Variants in ATF7IP observed in about 807,000 individuals in gnomAD.
ATF7IP encodes the protein activating transcription factor 7 interacting protein.
In ATF7IP, 23 loss-of-function variants were observed where a neutral mutation model predicts 106.4. The ratio of observed to expected loss-of-function variants is 0.22; its 90% CI spans 0.16 to 0.31. The LOEUF is 0.31. Ranked by LOEUF, ATF7IP falls within the 10% of genes least tolerant of loss-of-function variation. The pLI, the probability that ATF7IP is intolerant of heterozygous loss-of-function variation, is 1.00. For synonymous variants in ATF7IP, 542 were observed against 539.0 expected (o/e 1.01, Z -0.08); for missense variants, 1,334 against 1,524.3 (o/e 0.88, Z 2.08).
At chr12:14,458,519 C>T (rs955511220) in intron 8 of ATF7IP, among the ~76,000 whole-genome samples, 1 of 152,152 alleles carries the variant, frequency 6.6e-6, no homozygotes, top group African/African-American at 2.4e-5. Flanking sequence ...TTTCTAACTC[C>T]TCCATTAAAA....
chr12:14,398,623 C>T (rs980851861), intron 1 of ATF7IP, among the ~76,000 whole-genome samples: 1 of 151,826 alleles, frequency 6.6e-6, no homozygotes, highest in African/African-American at 2.4e-5. Context: ...TTCTGACATG[C>T]TAATGGGTTG....
intron 1 of ATF7IP, among the ~76,000 whole-genome samples, chr12:14,409,778 C>T (rs998809272): frequency 3.3e-5 from 5 of 152,146 alleles, no homozygotes; most frequent in Admixed American, 2.0e-4. Context: ...AATGTGAACG[C>T]TCTAAAGTAT....
intron 1 of ATF7IP, among the ~76,000 whole-genome samples, chr12:14,372,165 C>T (rs550074854): frequency 6.6e-6 from 1 of 152,110 alleles, no homozygotes; most frequent in African/African-American, 2.4e-5. Context: ...ATTACTTTGC[C>T]ATGTTCTTTC....
At chr12:14,444,120 T>C (rs1942842780) in intron 5 of ATF7IP, among the ~76,000 whole-genome samples, 1 of 152,158 alleles carries the variant, frequency 6.6e-6, no homozygotes, top group South Asian at 2.1e-4. Flanking sequence ...CTTACAGAAA[T>C]GGAAAAGCTG....
intron 1 of ATF7IP, among the ~76,000 whole-genome samples, chr12:14,380,347 G>A (rs1938949566): frequency 6.6e-6 from 1 of 152,086 alleles, no homozygotes. Context: ...ATAATGTGAT[G>A]TGGAAGATTC....
chr12:14,414,883 C>T (rs1941121620), intron 1 of ATF7IP, among the ~76,000 whole-genome samples: 1 of 152,198 alleles, frequency 6.6e-6, no homozygotes, highest in African/African-American at 2.4e-5. Flanking sequence ...TTTTACTTCA[C>T]CCAAGCAAAA....
At chr12:14,439,183 G>A (rs1000665284) in intron 5 of ATF7IP, among the ~76,000 whole-genome samples, 19 of 152,126 alleles carry the variant, frequency 1.2e-4, no homozygotes, top group Non-Finnish European at 2.9e-5. Flanking sequence ...ATTTGAATCA[G>A]TACATTCATT....
intron 1 of ATF7IP, among the ~76,000 whole-genome samples, chr12:14,418,301 C>A (rs529015130): frequency 4.6e-5 from 7 of 152,026 alleles, no homozygotes; most frequent in Non-Finnish European, 7.4e-5. Flanking sequence ...CTCTCATCCT[C>A]ATGAAAAAAA....
intron 14 of ATF7IP, 80 bp downstream of exon 14, chr12:14,496,423 A>G: frequency 1.1e-6 from 1 of 908,158 alleles, no homozygotes; most frequent in Non-Finnish European, 1.7e-6. Flanking sequence ...TTTTCTTTAA[A>G]ATGGTTATAT....
At chr12:14,495,114 C>T (rs747664972) in intron 13 of ATF7IP, among the ~76,000 whole-genome samples, 21 of 152,056 alleles carry the variant, frequency 1.4e-4, no homozygotes, top group Non-Finnish European at 2.5e-4. Context: ...CTCCTTTTCA[C>T]GTTTTTCTGC....
chr12:14,473,856 T>G lies in ATF7IP; in HGVS notation c.2863-2034T>G, dbSNP rs369579339. ...ACTTTGAATATGTTGTTCCAGTGTCTTCTTGCTTCCATAGTTTCTGACCAA... is the reference window on the plus strand; with the variant it reads ...ACTTTGAATATGTTGTTCCAGTGTCGTCTTGCTTCCATAGTTTCTGACCAA... On this transcript the variant is annotated intron_variant, in intron 10 of 14. Transcript: ENST00000261168. Among the ~76,000 whole-genome samples the G allele has an allele frequency of 1.1e-4, 16 of 152,060 alleles. No individual in the cohort carries two copies. The East Asian group carries it at 1.3e-3, about 13-fold the overall frequency.
chr12:14,422,165 A>T, intron 1 of ATF7IP, among the ~76,000 whole-genome samples: 1 of 152,164 alleles, frequency 6.6e-6, no homozygotes, highest in East Asian at 1.9e-4. Flanking sequence ...AGAAAAAGTA[A>T]GTGAAAAGAG....
chr12:14,487,414 G>T (rs1310402319), intron 13 of ATF7IP, among the ~76,000 whole-genome samples: 1 of 152,192 alleles, frequency 6.6e-6, no homozygotes, highest in Admixed American at 6.5e-5. Flanking sequence ...GAGGTGTTTG[G>T]AGGGGCTCCT....
intron 6 of ATF7IP, among the ~76,000 whole-genome samples, chr12:14,449,439 A>G (rs1943110814): frequency 6.6e-6 from 1 of 152,010 alleles, no homozygotes; most frequent in African/African-American, 2.4e-5. Context: ...GTTGAAGATC[A>G]TTTGACCGTA....
intron 6 of ATF7IP, among the ~76,000 whole-genome samples, chr12:14,454,200 C>G (rs995957610): frequency 3.3e-5 from 5 of 152,094 alleles, no homozygotes; most frequent in African/African-American, 1.2e-4. Context: ...CTTCTCTGGG[C>G]TTTTGCTTGT....
At chr12:14,458,321 T>C (rs1943511277) in intron 8 of ATF7IP, among the ~76,000 whole-genome samples, 1 of 152,174 alleles carries the variant, frequency 6.6e-6, no homozygotes, top group South Asian at 2.1e-4. Context: ...TATCTATATC[T>C]GTTTTTAGTC....
intron 9 of ATF7IP, among the ~76,000 whole-genome samples, chr12:14,462,087 G>T: frequency 6.6e-6 from 1 of 152,048 alleles, no homozygotes; most frequent in East Asian, 1.9e-4. Context: ...GAAAGTAAAT[G>T]AATGGCAGAT....
chr12:14,417,811 A>G (rs1941281422), intron 1 of ATF7IP, among the ~76,000 whole-genome samples: 1 of 152,208 alleles, frequency 6.6e-6, no homozygotes, highest in Non-Finnish European at 1.5e-5. Flanking sequence ...ACACTTAAGT[A>G]TTGCAGATAC....
intron 4 of ATF7IP, 69 bp from the exon 5 acceptor site, chr12:14,438,061 A>G (rs76525918): frequency 2.7e-6 from 4 of 1,483,334 alleles, no homozygotes; most frequent in African/African-American, 2.8e-5. Flanking sequence ...TCAAAAAAAA[A>G]GAATATTTAC....
Sources: allele counts gnomAD v4.1 joint callset (sites outside exome capture counted in the v4.1 genomes callset), GRCh38; gene constraint gnomAD v4.1.1; transcripts MANE v1.5; gene names NCBI Gene and HGNC (gene_info 2026-07-23, HGNC 2026-07-21).